SPTB: variants seen among roughly 807,000 people sequenced by gnomAD.
SPTB encodes the protein spectrin beta, erythrocytic.
A neutral mutation model predicts 256.2 loss-of-function variants in SPTB; 45 were observed. That is an observed-to-expected ratio of 0.18 (90% confidence interval 0.14 to 0.23). SPTB has a LOEUF of 0.23. SPTB is among the 10% of genes least tolerant of loss of function. The pLI, the probability that SPTB is intolerant of heterozygous loss-of-function variation, is 1.00. For missense variants in SPTB, 2,715 were observed against 3,040.4 expected, an observed-to-expected ratio of 0.89 and a Z score of 2.52; for synonymous variants, 1,231 against 1,243.1, an observed-to-expected ratio of 0.99 and a Z score of 0.21.
rs570660627 is a variant in SPTB at position 64,755,375 on chromosome 14, G to C, written c.6346-1582C>G. ...TAGGAATGGGAAGGGGGGCTCAATG[G>C]AGACGTTGGAAGGCAGTGGTTGCAA... On this transcript the variant is annotated intron_variant, in intron 32 of 35. Coordinates refer to ENST00000644917, the MANE Select transcript of SPTB (RefSeq NM_001355436.2). 3.3e-5 allele frequency: 5 copies of C among 152,344 alleles called. No homozygotes were observed. The East Asian group carries it at 9.6e-4, about 29-fold the overall frequency. 9.4% of individuals were successfully genotyped at this position (152,344 alleles called of 1,614,324 possible).
intron 33 of SPTB, among the ~76,000 whole-genome samples, chr14:64,753,094 G>A (rs2081974608): frequency 6.6e-6 from 1 of 152,138 alleles, no homozygotes; most frequent in East Asian, 1.9e-4. Flanking sequence ...GGCCTAGACT[G>A]GTAAAAAGCG....
At position 64,785,795 on chromosome 14, in the gene SPTB, G is replaced by A; in HGVS notation, c.3718C>T (p.Leu1240=). 6.2e-7 allele frequency: 1 copy of A among 1,614,080 alleles called. No individual in the cohort carries two copies. The highest frequency in any genetic ancestry group is 8.5e-7 in the Non-Finnish European group (1 of 1,180,016). The change falls in exon 17 of 36, where the codon CTA becomes TTA. Residue 1240 remains leucine (L), a synonymous_variant. Transcript: ENST00000644917. The surrounding 1 kb of genome is among the most constrained non-coding windows in gnomAD (Gnocchi z 4.4). ...SGNKLVAEGN[L]YSDKIKEKVQ... is the part of the protein sequence containing the mutation. ...TTCTCCTTGATCTTGTCTGAGTATA[G>A]GTTTCCCTCAGCTACCAGCTTGTTT... is the stretch of plus-strand genomic sequence containing the variant.
chr14:64,791,565 CAAAAAAAAA>C (rs563905446), intron 15 of SPTB, among the ~76,000 whole-genome samples, 145 bp downstream of exon 15: 5 of 45,868 alleles, frequency 1.1e-4, no homozygotes, highest in African/African-American at 1.6e-4. Flanking sequence ...GGTTCTGTGT[CAAAAAAAAA>C]AAAAAAAAAA....
At position 64,796,631 on chromosome 14, in the gene SPTB, G is replaced by C. The variant is rs764755827; in HGVS notation, c.1267C>G (p.Leu423Val). 1 of 1,614,200 alleles carries C rather than the reference G, an allele frequency of 6.2e-7. No individual in the cohort carries two copies. Among genetic ancestry groups the C allele is most frequent in the South Asian group, 1.1e-5 (1 of 91,086 alleles). Residue 423 changes from leucine to valine, a missense_variant, in exon 11 of 36, where the codon CTG becomes GTG. Around this residue, in one of 4 missense-constraint regions of SPTB, gnomAD observed 416 missense variants for 571.1 expected, o/e 0.73. Transcript: ENST00000644917. The surrounding 1 kb of genome is among the most constrained non-coding windows in gnomAD (Gnocchi z 4.1). ...GCCTTCCGGTCAAAGCGCCGGGCCA[G>C]TTGCTCTAGCTTCTCCTGCCGAATG... ...ELIRQEKLEQ[L>V]ARRFDRKAAM... is the part of the protein sequence containing the mutation.
At chr14:64,776,188 G>T (rs2082353453) in intron 22 of SPTB, among the ~76,000 whole-genome samples, 1 of 152,058 alleles carries the variant, frequency 6.6e-6, no homozygotes. Context: ...TTTTCCTGTG[G>T]CCTTTAAAAT....
At position 64,825,813 on chromosome 14, in the gene SPTB, T is replaced by C. The variant is rs960378663; in HGVS notation, c.-51-2668A>G. Among the ~76,000 whole-genome samples the C allele has an allele frequency of 6.6e-6, 1 of 152,174 alleles. No homozygotes were observed. The highest frequency in any genetic ancestry group is 6.5e-5 in the Admixed American group (1 of 15,278). ...AGCAGGCCCAGCGTTCAAGACAAGATTGATGGCCCCGGGTGCAGAAGAGCA... is the reference window on the plus strand; with the variant it reads ...AGCAGGCCCAGCGTTCAAGACAAGACTGATGGCCCCGGGTGCAGAAGAGCA... On this transcript the variant is annotated intron_variant, in intron 1 of 35. Coordinates refer to ENST00000644917, the MANE Select transcript of SPTB (RefSeq NM_001355436.2). The surrounding 1 kb of genome is among the most constrained non-coding windows in gnomAD (Gnocchi z 4.8).
At chr14:64,819,319 G>A (rs1375184914) in intron 2 of SPTB, among the ~76,000 whole-genome samples, 2 of 152,170 alleles carry the variant, frequency 1.3e-5, no homozygotes. Context: ...ATTTCCTTTG[G>A]AGTTGAGAGG....
Position 64,827,858 on chromosome 14 carries a change from A to G in SPTB, c.-51-4713T>C, listed in dbSNP as rs1292940934. 6.6e-6 allele frequency among the ~76,000 whole-genome samples: 1 copy of G among 152,184 alleles called. No individual in the cohort carries two copies. Among genetic ancestry groups the G allele is most frequent in the Non-Finnish European group, 1.5e-5 (1 of 68,032 alleles). On this transcript the variant is annotated intron_variant, in intron 1 of 35. Coordinates refer to ENST00000644917, the MANE Select transcript of SPTB (RefSeq NM_001355436.2). The surrounding 1 kb of genome is among the most constrained non-coding windows in gnomAD (Gnocchi z 4.6). ...GGCTAAGACTGAGCATGGGGCTACC[A>G]GGACAGCAGAACCAGGGAGTTTCAG... is the stretch of plus-strand genomic sequence containing the variant.
chr14:64,767,607 C>A, intron 30 of SPTB, 56 bp downstream of exon 30: 1 of 1,603,796 alleles, frequency 6.2e-7, no homozygotes. Flanking sequence ...TTACATGAGA[C>A]CCCTGGGGGC....
rs949804896 is a variant in SPTB at position 64,758,169 on chromosome 14, G to C, written c.6346-4376C>G. ...CCCTATCCACCCCTGCCTCCCTGGGGCTTTGCCGAGCAATTATTGTGGCCA... is the reference window on the plus strand; with the variant it reads ...CCCTATCCACCCCTGCCTCCCTGGGCCTTTGCCGAGCAATTATTGTGGCCA... On this transcript the variant is annotated intron_variant, in intron 32 of 35. Coordinates refer to ENST00000644917, the MANE Select transcript of SPTB (RefSeq NM_001355436.2). This position sits in a 1 kb window ranked among gnomAD's most constrained non-coding sequence, Gnocchi z 4.6. 6.6e-6 allele frequency among the ~76,000 whole-genome samples: 1 copy of C among 152,208 alleles called. No individual in the cohort carries two copies. Among genetic ancestry groups the C allele is most frequent in the African/African-American group, 2.4e-5 (1 of 41,444 alleles).
At chr14:64,861,343 A>G (rs1438057784) in intron 1 of SPTB, among the ~76,000 whole-genome samples, 1 of 152,176 alleles carries the variant, frequency 6.6e-6, no homozygotes, top group Non-Finnish European at 1.5e-5. Context: ...AGGAGAAAAT[A>G]AAAGTGTCCC....
intron 1 of SPTB, among the ~76,000 whole-genome samples, chr14:64,867,652 G>A (rs145711803): frequency 1.1e-4 from 17 of 152,214 alleles, no homozygotes; most frequent in African/African-American, 3.9e-4. Context: ...TCAGGAGTTC[G>A]AGACCAGCCT....
intron 2 of SPTB, among the ~76,000 whole-genome samples, chr14:64,805,496 CCTTCA>C (rs1344143400): frequency 2.6e-5 from 4 of 152,196 alleles, no homozygotes; most frequent in Admixed American, 6.5e-5. Context: ...TACCCCACCT[CCTTCA>C]CTTAACACTA....
Position 64,873,180 on chromosome 14 carries a change from T to G in SPTB, c.-52+6612A>C, listed in dbSNP as rs578205383. On this transcript the variant is annotated intron_variant, in intron 1 of 35. Coordinates refer to ENST00000644917, the MANE Select transcript of SPTB (RefSeq NM_001355436.2). The surrounding 1 kb of genome is among the most constrained non-coding windows in gnomAD (Gnocchi z 4.3). ...CCCTTCATATTGCTTTATTTTTCTT[T>G]TTAGCACTTGAAATTACAATATATA... Among the ~76,000 whole-genome samples the G allele has an allele frequency of 4.6e-5, 7 of 152,342 alleles. No homozygotes were observed. The highest frequency in any genetic ancestry group is 1.7e-4 in the African/African-American group (7 of 41,584).
chr14:64,865,818 T>C (rs2139812302), intron 1 of SPTB, among the ~76,000 whole-genome samples: 1 of 152,334 alleles, frequency 6.6e-6, no homozygotes, highest in South Asian at 2.1e-4. Flanking sequence ...CTGCTTTGAT[T>C]CTACCATCTT....
rs932367938 is a variant in SPTB at position 64,748,859 on chromosome 14, A to G, written c.*447T>C. 1.2e-5 allele frequency: 2 copies of G among 166,212 alleles called. No individual in the cohort carries two copies. Among genetic ancestry groups the G allele is most frequent in the Non-Finnish European group, 2.6e-5 (2 of 78,306 alleles). 10.3% of individuals were successfully genotyped at this position (166,212 alleles called of 1,614,324 possible). ...CTTTCCCCTTTCCCTGGCTGCCACC[A>G]GGTGGGAGGTGACCCGAAGCAAGAC... On this transcript the variant is annotated 3_prime_UTR_variant, in exon 36 of 36. Transcript: ENST00000644917.
rs78453976 is a variant in SPTB, at chr14:64,848,905, G to A, written c.-51-25760C>T. On this transcript the variant is annotated intron_variant, in intron 1 of 35. Transcript: ENST00000644917. ...ATTGACTTTTAATGAGCACCTATGTGCATGTCCTACACTAAGCATTAAGGA... is the reference window on the plus strand; with the variant it reads ...ATTGACTTTTAATGAGCACCTATGTACATGTCCTACACTAAGCATTAAGGA... Among the ~76,000 whole-genome samples the A allele has an allele frequency of 9.7e-4, 147 of 152,284 alleles. 1 individual carries two copies. Among genetic ancestry groups the A allele is most frequent in the Non-Finnish European group, 1.6e-3 (110 of 68,020 alleles).
rs571581703 is a variant in SPTB at position 64,860,624 on chromosome 14, A to G, written c.-52+19168T>C. ...AAGAAAAAAGGATCGAGCCTGCCTC[A>G]GAACATTGTAGGACAGGTGCAATAA... On this transcript the variant is annotated intron_variant, in intron 1 of 35. Transcript: ENST00000644917. Among the ~76,000 whole-genome samples, 8 of 152,352 alleles carry G rather than the reference A, an allele frequency of 5.3e-5. No homozygotes were observed. In the East Asian group the frequency reaches 1.2e-3, roughly 22 times the overall value.
At chr14:64,756,189 G>A (rs2082015317) in intron 32 of SPTB, 1 of 152,234 alleles carries the variant, frequency 6.6e-6, no homozygotes, top group African/African-American at 2.4e-5. Context: ...CTTTCAGAGT[G>A]TATTGTCTCT....
Sources: gnomAD v4.1 joint callset for allele counts (sites outside exome capture counted in the v4.1 genomes callset) on GRCh38, gnomAD v4.1.1 for gene constraint, gnomAD v4.1.1 regional missense constraint, Gnocchi (gnomAD v3.1) non-coding constraint, MANE v1.5 for transcripts, NCBI Gene and HGNC (gene_info 2026-07-23, HGNC 2026-07-21) for gene names.